GTF2I: variants seen among roughly 807,000 people sequenced by gnomAD.
The protein encoded by GTF2I is general transcription factor IIi.
In GTF2I, 12 loss-of-function variants were observed where a neutral mutation model predicts 67.6. The ratio of observed to expected loss-of-function variants is 0.18; its 90% CI spans 0.11 to 0.29. GTF2I has a LOEUF of 0.29. Ranked by LOEUF, GTF2I falls within the 10% of genes least tolerant of loss-of-function variation. The probability of loss-of-function intolerance (pLI) is 1.00; values close to 1 mark genes in which losing one functional copy is unlikely to be tolerated. For missense variants in GTF2I, 271 were observed against 580.1 expected (o/e 0.47, Z 5.47); for synonymous variants, 149 against 197.0 (o/e 0.76, Z 2.04).
At position 74,700,472 on chromosome 7, in the gene GTF2I, G is replaced by A. The variant is rs193037615; in HGVS notation, c.557+42G>A. 178 of 1,606,894 alleles carry A rather than the reference G, an allele frequency of 1.1e-4. 1 individual carries two copies. The East Asian group carries it at 3.5e-3, about 31-fold the overall frequency. On this transcript the variant is annotated intron_variant, in intron 5 of 34. Transcript: ENST00000573035. ...CTTTGTACCCATCAACAGTTGATTC[G>A]TATAAATTTGAATATTTAGCTTACG... is the stretch of plus-strand genomic sequence containing the variant.
At chr7:74,747,835 A>G (rs1407490819) in intron 23 of GTF2I, among the ~76,000 whole-genome samples, 180 bp from the exon 24 acceptor site, 2 of 129,400 alleles carry the variant, frequency 1.5e-5, no homozygotes, top group African/African-American at 5.4e-5. Flanking sequence ...AGAGAAGAAA[A>G]ATGGGTTTCT....
At chr7:74,658,176 G>A (rs587634903) in intron 1 of GTF2I, 108 bp downstream of exon 1, 1 of 150,966 alleles carries the variant, frequency 6.6e-6, no homozygotes, top group Admixed American at 6.6e-5. Flanking sequence ...GCAGGGACAG[G>A]GGCCTGGGAG....
intron 12 of GTF2I, among the ~76,000 whole-genome samples, chr7:74,721,685 A>G (rs1256147283): frequency 1.3e-5 from 2 of 152,150 alleles, no homozygotes; most frequent in Non-Finnish European, 2.9e-5. Context: ...AATGTGTATC[A>G]TATATTCTTT....
In GTF2I at chr7:74,675,354, TTGTC is replaced by T. The variant is rs587674679; in HGVS notation, c.-5-13763_-5-13760del. On this transcript the variant is annotated intron_variant, in intron 1 of 34. Transcript: ENST00000573035. Reference sequence around the variant, plus strand: ...CATTTTGTTGGGTGGGACGTGGTGTTTGTCTGTCTGGAGACTAGTGTTAACTTTG... The same window carrying T: ...CATTTTGTTGGGTGGGACGTGGTGTTTGTCTGGAGACTAGTGTTAACTTTG... Among the ~76,000 whole-genome samples the T allele has an allele frequency of 2.8e-4, 42 of 152,302 alleles. No homozygotes were observed. In the South Asian group the frequency reaches 5.6e-3, roughly 20 times the overall value.
rs1373205713 is a variant in GTF2I at position 74,713,119 on chromosome 7, A to G, written c.764-1738A>G. On this transcript the variant is annotated intron_variant, in intron 9 of 34. Coordinates refer to ENST00000573035, the MANE Select transcript of GTF2I (RefSeq NM_032999.4). Reference sequence around the variant, plus strand: ...GGTGAATAAAATTCAAATATGGGACATTAAAATAATTTGAAAGTATAGTGA... The same window carrying G: ...GGTGAATAAAATTCAAATATGGGACGTTAAAATAATTTGAAAGTATAGTGA... 2.7e-4 allele frequency among the ~76,000 whole-genome samples: 41 copies of G among 152,236 alleles called. 1 individual carries two copies.
chr7:74,686,064 G>T (rs1016108328), intron 1 of GTF2I, among the ~76,000 whole-genome samples: 8 of 152,206 alleles, frequency 5.3e-5, no homozygotes, highest in African/African-American at 1.9e-4. Flanking sequence ...AGTCAGTCTG[G>T]GATTCGTTGC....
At chr7:74,714,019 G>C (rs1217704896) in intron 9 of GTF2I, among the ~76,000 whole-genome samples, 3 of 152,096 alleles carry the variant, frequency 2.0e-5, no homozygotes, top group African/African-American at 7.2e-5. Context: ...AGGCTTTAGA[G>C]AATGAAGCCT....
chr7:74,717,163 C>CT, intron 11 of GTF2I: 1 of 473,350 alleles, frequency 2.1e-6, no homozygotes, highest in Non-Finnish European at 3.5e-6. Context: ...GGGAATGAAA[C>CT]TAAGTGGTAA....
chr7:74,706,477 A>C (rs373935861), intron 8 of GTF2I, 44 bp downstream of exon 8: 95 of 1,425,518 alleles, frequency 6.7e-5, no homozygotes, highest in Non-Finnish European at 9.4e-5. Flanking sequence ...ATTAAGGAAG[A>C]CTTTTCCTTA....
chr7:74,719,775 C>T (rs1279879075), intron 12 of GTF2I, among the ~76,000 whole-genome samples: 4 of 152,096 alleles, frequency 2.6e-5, no homozygotes, highest in African/African-American at 9.7e-5. Context: ...ACAAAACTAG[C>T]TGGGTGTGGT....
intron 1 of GTF2I, among the ~76,000 whole-genome samples, chr7:74,685,569 C>T (rs1335759559): frequency 6.6e-6 from 1 of 152,096 alleles, no homozygotes; most frequent in Non-Finnish European, 1.5e-5. Context: ...AAGTTCCAGA[C>T]CAGCCTGGCC....
intron 6 of GTF2I, among the ~76,000 whole-genome samples, 193 bp downstream of exon 6, chr7:74,700,827 C>T (rs587693599): frequency 6.6e-6 from 1 of 152,198 alleles, no homozygotes; most frequent in East Asian, 1.9e-4. Flanking sequence ...TTTTTGTTTT[C>T]AGCTTCGCTG....
chr7:74,674,069 CT>C (rs35948360), intron 1 of GTF2I, among the ~76,000 whole-genome samples: 78,052 of 132,370 alleles, frequency 0.59, 24,265 homozygotes, highest in East Asian at 0.89. Context: ...TGATCTATGA[CT>C]TTTTTTTTTT....
At chr7:74,711,248 C>T (rs988322434) in intron 9 of GTF2I, 139 bp downstream of exon 9, 10 of 463,896 alleles carry the variant, frequency 2.2e-5, no homozygotes, top group Non-Finnish European at 3.1e-5. Flanking sequence ...AATTCAGTCC[C>T]GGGGATAAAA....
intron 8 of GTF2I, among the ~76,000 whole-genome samples, chr7:74,708,851 A>G (rs1057188509): frequency 1.3e-4 from 20 of 152,182 alleles, no homozygotes; most frequent in Admixed American, 2.6e-4. Flanking sequence ...CTTCTGTACA[A>G]CAACGAGACA....
chr7:74,682,683 G>C (rs1787369824), intron 1 of GTF2I, among the ~76,000 whole-genome samples: 1 of 152,114 alleles, frequency 6.6e-6, no homozygotes, highest in African/African-American at 2.4e-5. Context: ...AGGCATAGAA[G>C]GGAATAAGAA....
At chr7:74,669,224 GTTTTTTTTT>G (rs34714148) in intron 1 of GTF2I, among the ~76,000 whole-genome samples, 2 of 75,452 alleles carry the variant, frequency 2.7e-5, no homozygotes, top group Non-Finnish European at 4.7e-5. Context: ...GACTAGTTTA[GTTTTTTTTT>G]TTTTTTTTTT....
intron 6 of GTF2I, among the ~76,000 whole-genome samples, chr7:74,704,292 A>ATTTATTTATTTTTTTT (rs1412934217): frequency 6.7e-6 from 1 of 149,260 alleles, no homozygotes; most frequent in African/African-American, 2.5e-5. Context: ...TTATTTATTT[A>ATTTATTTATTTTTTTT]TTTTTTTATT....
chr7:74,688,836 T>C, intron 1 of GTF2I: 1 of 342,540 alleles, frequency 2.9e-6, no homozygotes, highest in Non-Finnish European at 5.4e-6. Flanking sequence ...TGCCTCGTCT[T>C]GTTCTTACTT....
Sources: allele counts gnomAD v4.1 joint callset (sites outside exome capture counted in the v4.1 genomes callset), GRCh38; gene constraint gnomAD v4.1.1; transcripts MANE v1.5; gene names NCBI Gene and HGNC (gene_info 2026-07-23, HGNC 2026-07-21).